ADGRF4: variants seen among roughly 807,000 people sequenced by gnomAD.
ADGRF4 encodes adhesion G protein-coupled receptor F4.
In ADGRF4, 63 loss-of-function variants were observed where a neutral mutation model predicts 58.5. The observed-to-expected ratio is 1.08, with a 90% CI of 0.88 to 1.33. ADGRF4 has a LOEUF of 1.33. Among genes scored for constraint, ADGRF4 ranks in the 40% most tolerant of loss-of-function variants. The probability of loss-of-function intolerance (pLI) is 0.00; values close to 1 mark genes in which losing one functional copy is unlikely to be tolerated. For synonymous variants in ADGRF4, 313 were observed against 295.4 expected, an observed-to-expected ratio of 1.06 and a Z score of -0.61; for missense variants, 931 against 843.9, an observed-to-expected ratio of 1.10 and a Z score of -1.28.
intron 9 of ADGRF4, among the ~76,000 whole-genome samples, chr6:47,719,514 A>G (rs1772108304): frequency 1.3e-5 from 2 of 152,182 alleles, no homozygotes; most frequent in Admixed American, 6.5e-5. Context: ...AAACATCGCT[A>G]TAACGTTTCT....
In ADGRF4 at chr6:47,715,194, A is replaced by G; in HGVS notation, c.1932+17A>G. On this transcript the variant is annotated intron_variant, in intron 6 of 9. Transcript: ENST00000283303. ...GCTTTCCAGGTAAGTTCCAAGAGGG[A>G]GACTTTTCTGTGTTACTCCGACTAG... 3.9e-6 allele frequency: 6 copies of G among 1,543,152 alleles called. No individual in the cohort carries two copies. Among genetic ancestry groups the G allele is most frequent in the Non-Finnish European group, 5.3e-6 (6 of 1,137,718 alleles).
intron 3 of ADGRF4, 28 bp from the exon 4 acceptor site, chr6:47,710,703 GTCTC>G: frequency 6.5e-7 from 1 of 1,537,862 alleles, no homozygotes; most frequent in Non-Finnish European, 8.7e-7. Context: ...TTGGGCTCCT[GTCTC>G]TCTCTCTTTC....
chr6:47,702,444 C>T (rs771185588), intron 1 of ADGRF4, among the ~76,000 whole-genome samples: 6 of 152,164 alleles, frequency 3.9e-5, no homozygotes, highest in African/African-American at 7.2e-5. Context: ...TCCCACTCCC[C>T]GAATTCAAAG....
intron 5 of ADGRF4, among the ~76,000 whole-genome samples, chr6:47,713,578 A>G (rs1483584507): frequency 6.6e-6 from 1 of 152,198 alleles, no homozygotes; most frequent in Non-Finnish European, 1.5e-5. Flanking sequence ...GTGCAATAAT[A>G]AAGCAGGTAA....
intron 5 of ADGRF4, 87 bp from the exon 6 acceptor site, chr6:47,713,711 G>C: frequency 9.2e-7 from 1 of 1,086,632 alleles, no homozygotes; most frequent in Non-Finnish European, 1.3e-6. Flanking sequence ...TGGGTAACCT[G>C]ATCTTTAGAA....
At position 47,714,592 on chromosome 6, in the gene ADGRF4, C is replaced by T; in HGVS notation, c.1347C>T (p.Ser449=). 4 of 1,614,048 alleles carry T rather than the reference C, an allele frequency of 2.5e-6. No homozygotes were observed. Among genetic ancestry groups the T allele is most frequent in the East Asian group, 4.5e-5 (2 of 44,876 alleles). ...RHVCIVNIAV[S]LLTANVWFII... is the part of the protein sequence containing the mutation. ...TGTGCATCGTGAATATAGCAGTGTCCCTTCTGACTGCCAATGTGTGGTTTA... is the reference window on the plus strand; with the variant it reads ...TGTGCATCGTGAATATAGCAGTGTCTCTTCTGACTGCCAATGTGTGGTTTA... The change falls in exon 6 of 10, where the codon TCC becomes TCT. Residue 449 remains serine (S), a synonymous_variant. Coordinates refer to ENST00000283303, the MANE Select transcript of ADGRF4 (RefSeq NM_153838.5).
In ADGRF4 at chr6:47,718,402, G is replaced by A; in HGVS notation, c.2048G>A (p.Gly683Asp). 1.3e-6 allele frequency: 2 copies of A among 1,572,838 alleles called. No homozygotes were observed. The highest frequency in any genetic ancestry group is 1.8e-6 in the Non-Finnish European group (2 of 1,142,546). Residue 683 changes from glycine to aspartate, a missense_variant, in exon 9 of 10, where the codon GGC becomes GAC. Coordinates refer to ENST00000283303, the MANE Select transcript of ADGRF4 (RefSeq NM_153838.5). ...TCCCCCACTTAGAATGCATCACTAG[G>A]CCCAACCAATGGATCTAAATTAATG... ...KSRAAENASL[G>D]PTNGSKLMNR...
intron 9 of ADGRF4, among the ~76,000 whole-genome samples, chr6:47,719,639 C>T (rs1409432728): frequency 6.6e-6 from 1 of 152,102 alleles, no homozygotes; most frequent in Non-Finnish European, 1.5e-5. Context: ...CAGACTGTCT[C>T]AGGTGGAGGG....
In ADGRF4 at chr6:47,712,376, G is replaced by T. The variant is rs748207158; in HGVS notation, c.320G>T (p.Arg107Leu). ...AAACAGGACTCAACTGGTGCATCTC[G>T]CCTTTCTGTAGCAGCACCATCTATA... ...KLFKDSTGAS[R>L]LSVAAPSIPL... The change falls in exon 5 of 10, where the codon CGC (arginine) becomes CTC (leucine). Residue 107 changes from arginine to leucine, a missense_variant. Arg to Leu is a moderately radical substitution (Grantham distance 102, BLOSUM62 -2). Transcript: ENST00000283303. 1 of 1,613,800 alleles carries T rather than the reference G, an allele frequency of 6.2e-7. No homozygotes were observed. Among genetic ancestry groups the T allele is most frequent in the African/African-American group, 1.3e-5 (1 of 75,000 alleles).
rs778926696 is a variant in ADGRF4, at chr6:47,715,064, G to T, written c.1819G>T (p.Val607Phe). ...CATAATTATGAGGATCAGCAAAAAT[G>T]TTGCCATCCTCACTCCACTGCTGGG... ...VVIIMRISKN[V>F]AILTPLLGLT... Residue 607 changes from valine (V) to phenylalanine (F), a missense_variant, in exon 6 of 10, where the codon GTT becomes TTT. Coordinates refer to ENST00000283303, the MANE Select transcript of ADGRF4 (RefSeq NM_153838.5). 1.2e-6 allele frequency: 2 copies of T among 1,613,154 alleles called. No individual in the cohort carries two copies. Among genetic ancestry groups the T allele is most frequent in the East Asian group, 2.2e-5 (1 of 44,822 alleles).
At chr6:47,700,990 G>C (rs1258480417) in intron 1 of ADGRF4, among the ~76,000 whole-genome samples, 1 of 151,898 alleles carries the variant, frequency 6.6e-6, no homozygotes, top group East Asian at 1.9e-4. Flanking sequence ...GGCTCTGGGG[G>C]GGAAGAGCAC....
chr6:47,721,626 T>G lies in ADGRF4; in HGVS notation c.*421T>G, dbSNP rs182603066. On this transcript the variant is annotated 3_prime_UTR_variant, in exon 10 of 10. Transcript: ENST00000283303. Reference sequence around the variant, plus strand: ...CACTCTGCGTGGATCCTGGGTACTTTGGACAGTGAGGGTTCGATCCAATTT... The same window carrying G: ...CACTCTGCGTGGATCCTGGGTACTTGGGACAGTGAGGGTTCGATCCAATTT... 6.6e-6 allele frequency: 1 copy of G among 152,108 alleles called. No homozygotes were observed. The highest frequency in any genetic ancestry group is 1.9e-4 in the East Asian group (1 of 5,174). The allele number at this position is 152,108 out of a possible 1,614,324, so 9.4% of individuals were successfully genotyped here.
At chr6:47,715,520 T>C in intron 6 of ADGRF4, 1 of 185,730 alleles carries the variant, frequency 5.4e-6, no homozygotes, top group Non-Finnish European at 1.1e-5. Flanking sequence ...TTTTATCCTT[T>C]ATCCAGTGGT....
At position 47,720,651 on chromosome 6, in the gene ADGRF4, C is replaced by T. The variant is rs374622052; in HGVS notation, c.*4-558C>T. Among the ~76,000 whole-genome samples the T allele has an allele frequency of 9.2e-5, 14 of 152,150 alleles. No homozygotes were observed. The East Asian group carries it at 1.5e-3, about 17-fold the overall frequency. ...AGAGAGGGCCACGGCATTCTGTTGG[C>T]GGCCACAGCTCCACAGCACCTTCTG... is the stretch of plus-strand genomic sequence containing the variant. On this transcript the variant is annotated intron_variant, in intron 9 of 9. Coordinates refer to ENST00000283303, the MANE Select transcript of ADGRF4 (RefSeq NM_153838.5).
At position 47,714,948 on chromosome 6, in the gene ADGRF4, T is replaced by C; in HGVS notation, c.1703T>C (p.Val568Ala). 6.2e-7 allele frequency: 1 copy of C among 1,613,778 alleles called. No individual in the cohort carries two copies. The highest frequency in any genetic ancestry group is 1.3e-5 in the African/African-American group (1 of 75,042). The change falls in exon 6 of 10, where the codon GTC (valine) becomes GCC (alanine). Residue 568 changes from valine to alanine, a missense_variant. Physicochemically the swap from Val to Ala is moderately conservative, Grantham distance 64. Transcript: ENST00000283303. ...TTAGCATTTGCCATCCCGGCGTTCG[T>C]CATTGTGGCTGTAAATCTGATTGTG... ...ALLAFAIPAF[V>A]IVAVNLIVVL...
chr6:47,700,892 T>C (rs951334425), intron 1 of ADGRF4, among the ~76,000 whole-genome samples: 1 of 152,110 alleles, frequency 6.6e-6, no homozygotes, highest in Non-Finnish European at 1.5e-5. Flanking sequence ...ATTCTGTATC[T>C]TATCCTCTGC....
intron 6 of ADGRF4, among the ~76,000 whole-genome samples, chr6:47,715,881 G>C (rs1026129459): frequency 6.6e-6 from 1 of 152,004 alleles, no homozygotes; most frequent in African/African-American, 2.4e-5. Context: ...TGCCAACTCA[G>C]ATCAATTATA....
Position 47,714,721 on chromosome 6 carries a change from C to G in ADGRF4, c.1476C>G (p.Leu492=). The G allele has an allele frequency of 6.2e-7, 1 of 1,613,972 alleles. No homozygotes were observed. The highest frequency in any genetic ancestry group is 1.1e-5 in the South Asian group (1 of 91,072). ...ACCTCTCTCTGTTTTTCTGGATGCTCTTCAAAGCATTGCTCATCATTTATG... is the reference window on the plus strand; with the variant it reads ...ACCTCTCTCTGTTTTTCTGGATGCTGTTCAAAGCATTGCTCATCATTTATG... ...FFYLSLFFWM[L]FKALLIIYGI... The change falls in exon 6 of 10, where the codon CTC becomes CTG. Residue 492 remains leucine, a synonymous_variant. Coordinates refer to ENST00000283303, the MANE Select transcript of ADGRF4 (RefSeq NM_153838.5).
In ADGRF4 at chr6:47,712,458, A is replaced by T; in HGVS notation, c.402A>T (p.Gly134=). Residue 134 remains glycine (G), a synonymous_variant, in exon 5 of 10, where the codon GGA becomes GGT. Transcript: ENST00000283303. ...APETIESVAQ[G]IRKNCPFDYA... ...AGACCATTGAGAGTGTAGCTCAAGG[A>T]ATCCGTAAGAACTGCCCCTTTGATT... The T allele has an allele frequency of 6.2e-7, 1 of 1,614,146 alleles. No individual in the cohort carries two copies.
Sources: gnomAD v4.1 joint callset for allele counts (sites outside exome capture counted in the v4.1 genomes callset) on GRCh38, gnomAD v4.1.1 for gene constraint, MANE v1.5 for transcripts, NCBI Gene and HGNC (gene_info 2026-07-23, HGNC 2026-07-21) for gene names.